The following MAPK6 variants were observed in gnomAD, a reference collection of about 807,000 sequenced individuals.
MAPK6 encodes the protein ERK-3.
Under a neutral mutation model 59.3 loss-of-function variants are expected in MAPK6, and 19 were observed. That is an observed-to-expected ratio of 0.32 (90% CI 0.22 to 0.47). The LOEUF is 0.47. MAPK6 is among the 20% of genes least tolerant of loss of function. MAPK6 has a pLI of 1.00. For missense variants in MAPK6, 724 were observed against 847.9 expected (o/e 0.85, Z 1.81); for synonymous variants, 316 against 290.3 (o/e 1.09, Z -0.90).
At chr15:51,980,166 G>A (rs888773498) in intron 1 of MAPK6, among the ~76,000 whole-genome samples, 13 of 151,066 alleles carry the variant, frequency 8.6e-5, no homozygotes, top group African/African-American at 3.2e-4. Context: ...GTGGTGGCGG[G>A]CACCTGTAAT....
intron 2 of MAPK6, among the ~76,000 whole-genome samples, chr15:51,992,291 C>CTATCTATCTATCTATCTA (rs201111358): frequency 9.2e-6 from 1 of 108,380 alleles, no homozygotes; most frequent in African/African-American, 3.8e-5. Context: ...ATCTATCTAT[C>CTATCTATCTATCTATCTA]TATATATATA....
chr15:52,043,742 A>ATTT (rs71130125), intron 1 of MAPK6, among the ~76,000 whole-genome samples: 1,996 of 40,808 alleles, frequency 0.049, 384 homozygotes, highest in Middle Eastern at 0.14. Flanking sequence ...AAGTTGTTTG[A>ATTT]TTTTTTTTTT....
chr15:51,993,172 A>G (rs1399973553), intron 2 of MAPK6, among the ~76,000 whole-genome samples: 2 of 152,166 alleles, frequency 1.3e-5, no homozygotes, highest in African/African-American at 2.4e-5. Flanking sequence ...AAGATGCACC[A>G]ATCAGAGGAA....
chr15:52,020,758 C>T (rs902272561), intron 1 of MAPK6, among the ~76,000 whole-genome samples: 2 of 152,174 alleles, frequency 1.3e-5, no homozygotes, highest in Non-Finnish European at 2.9e-5. Context: ...GGAACTTTGT[C>T]TTTAGATAGT....
At chr15:52,063,857 GA>G (rs1566915771) in intron 5 of MAPK6, 44 bp from the exon 6 acceptor site, 2 of 1,494,460 alleles carry the variant, frequency 1.3e-6, no homozygotes, top group Non-Finnish European at 1.8e-6. Flanking sequence ...ATTTGAAAAT[GA>G]AATCATATAC....
At chr15:52,005,341 A>G (rs1464136189) in intron 3 of MAPK6, among the ~76,000 whole-genome samples, 1 of 152,106 alleles carries the variant, frequency 6.6e-6, no homozygotes. Context: ...CCTGACCAAC[A>G]TGGCAAAACC....
rs572024930 is a variant in MAPK6, at chr15:51,983,526, C to T, written c.-770+211C>T. ...ACAACAACAAAAAAAAACAGGACAACAGGGCTGATGTGGTGGCTCTTGCTT... is the reference window on the plus strand; with the variant it reads ...ACAACAACAAAAAAAAACAGGACAATAGGGCTGATGTGGTGGCTCTTGCTT... On this transcript the variant is annotated intron_variant, in intron 2 of 7. Coordinates refer to the MAPK6 transcript ENST00000691380. Among the ~76,000 whole-genome samples the T allele has an allele frequency of 8.8e-5, 13 of 148,352 alleles. No homozygotes were observed. In the South Asian group the frequency reaches 2.8e-3, roughly 32 times the overall value.
chr15:52,003,590 A>G (rs1396322516), intron 2 of MAPK6, among the ~76,000 whole-genome samples: 2 of 152,246 alleles, frequency 1.3e-5, no homozygotes, highest in South Asian at 2.1e-4. Context: ...AACATCCACC[A>G]CAGGTATCAT....
chr15:51,996,019 T>C (rs1181176067), intron 2 of MAPK6, among the ~76,000 whole-genome samples: 1 of 152,196 alleles, frequency 6.6e-6, no homozygotes, highest in Non-Finnish European at 1.5e-5. Flanking sequence ...GCTTTCAGCC[T>C]TGGTAACTTA....
chr15:51,982,874 A>G (rs996560321), intron 1 of MAPK6, among the ~76,000 whole-genome samples: 1 of 152,156 alleles, frequency 6.6e-6, no homozygotes, highest in Non-Finnish European at 1.5e-5. Context: ...TCCAGTGAAG[A>G]TTTTACTTCC....
intron 3 of MAPK6, among the ~76,000 whole-genome samples, chr15:52,008,522 A>G (rs1437573368): frequency 2.6e-5 from 4 of 152,188 alleles, no homozygotes; most frequent in African/African-American, 9.7e-5. Flanking sequence ...GGAGAACACT[A>G]TACATGAACA....
At chr15:52,013,060 T>TATATA (rs1224403797) in intron 3 of MAPK6, among the ~76,000 whole-genome samples, 31 of 113,260 alleles carry the variant, frequency 2.7e-4, no homozygotes, top group East Asian at 8.7e-4. Context: ...TATATATATA[T>TATATA]TACACAAGAC....
chr15:52,056,089 C>T (rs117013121), intron 3 of MAPK6, among the ~76,000 whole-genome samples: 8 of 152,256 alleles, frequency 5.3e-5, no homozygotes, highest in Non-Finnish European at 1.0e-4. Context: ...TGCAAATGAA[C>T]AGAGCAACAA....
At chr15:52,055,342 G>A (rs2031935441) in intron 3 of MAPK6, among the ~76,000 whole-genome samples, 1 of 152,216 alleles carries the variant, frequency 6.6e-6, no homozygotes, top group Non-Finnish European at 1.5e-5. Context: ...GGCAGGTCAA[G>A]GCTACAGTGA....
At chr15:51,983,497 A>AACG (rs1196131703) in intron 2 of MAPK6, among the ~76,000 whole-genome samples, 22 of 145,014 alleles carry the variant, frequency 1.5e-4, no homozygotes, top group Non-Finnish European at 3.0e-4. Flanking sequence ...GCAAACAAAA[A>AACG]ACGACAACAA....
At chr15:52,034,945 G>A (rs945229867) in intron 1 of MAPK6, among the ~76,000 whole-genome samples, 3 of 152,070 alleles carry the variant, frequency 2.0e-5, no homozygotes, top group African/African-American at 7.2e-5. Flanking sequence ...TGATCTGCTT[G>A]CTGGCCTCAG....
chr15:52,041,661 G>A (rs1359158227), intron 1 of MAPK6, among the ~76,000 whole-genome samples: 1 of 152,194 alleles, frequency 6.6e-6, no homozygotes, highest in Admixed American at 6.5e-5. Flanking sequence ...AAAGTTGGAG[G>A]TAGTTAGAGA....
At chr15:52,005,361 C>G (rs931158436) in intron 3 of MAPK6, among the ~76,000 whole-genome samples, 1 of 152,006 alleles carries the variant, frequency 6.6e-6, no homozygotes, top group Non-Finnish European at 1.5e-5. Flanking sequence ...CCTGTCGCTA[C>G]TAAAAAAGTA....
intron 2 of MAPK6, among the ~76,000 whole-genome samples, chr15:52,001,660 C>T (rs1193569818): frequency 1.3e-5 from 2 of 152,048 alleles, no homozygotes; most frequent in African/African-American, 4.8e-5. Flanking sequence ...AGGCACGAGT[C>T]ACCACACCTG....
Sources: gnomAD v4.1 joint callset for allele counts (sites outside exome capture counted in the v4.1 genomes callset) on GRCh38, gnomAD v4.1.1 for gene constraint, MANE v1.5 for transcripts, NCBI Gene and HGNC (gene_info 2026-07-23, HGNC 2026-07-21) for gene names.